The following PSD4 variants were observed in gnomAD, a reference collection of about 807,000 sequenced individuals.
The protein encoded by PSD4 is pleckstrin and Sec7 domain containing 4, also known as PH and SEC7 domain-containing protein 4.
In PSD4, 59 loss-of-function variants were observed where a neutral mutation model predicts 112.5. The observed-to-expected ratio is 0.52, with a 90% CI of 0.43 to 0.65. PSD4 has a LOEUF of 0.65. PSD4 is among the 30% of genes least tolerant of loss of function. The pLI is 0.00. For synonymous variants in PSD4, 533 were observed against 540.0 expected, an observed-to-expected ratio of 0.99 and a Z score of 0.18; for missense variants, 1,267 against 1,352.6, an observed-to-expected ratio of 0.94 and a Z score of 0.99.
rs1013737776 is a variant in PSD4, at chr2:113,185,553, T to C, written c.1249+113T>C. 5 of 1,589,784 alleles carry C rather than the reference T, an allele frequency of 3.1e-6. No homozygotes were observed. The African/African-American group carries it at 5.4e-5, about 17-fold the overall frequency. On this transcript the variant is annotated intron_variant, in intron 4 of 16. Transcript: ENST00000245796. Reference sequence around the variant, plus strand: ...GTTGCCATTAATGGGTCCCATTATATTGTGTTTAAGCCAGACAGACTTGGG... The same window carrying C: ...GTTGCCATTAATGGGTCCCATTATACTGTGTTTAAGCCAGACAGACTTGGG...
chr2:113,201,092 C>G, intron 16 of PSD4, 66 bp from the exon 17 acceptor site: 1 of 1,542,390 alleles, frequency 6.5e-7, no homozygotes, highest in Non-Finnish European at 8.7e-7. Context: ...CTGTCCCTCA[C>G]GATTCTAGCC....
Position 113,207,723 on chromosome 2 carries a change from C to G in PSD4, c.*6308C>G, listed in dbSNP as rs540148106. 1 of 152,302 alleles carries G rather than the reference C, an allele frequency of 6.6e-6. No homozygotes were observed. The highest frequency in any genetic ancestry group is 2.1e-4 in the South Asian group (1 of 4,822). 9.4% of individuals were successfully genotyped at this position (152,302 alleles called of 1,614,324 possible). A position where few individuals can be genotyped will look rare whatever the true frequency, so the allele number is the denominator to read the frequency against. The stretch of plus-strand genomic sequence containing the variant: ...CCGCCTGCCTCAGCCTCCCAAAGTG[C>G]TGGGATTACAGGCGTAAGCCACCAC... On this transcript the variant is annotated 3_prime_UTR_variant, in exon 17 of 17. Transcript: ENST00000245796.
chr2:113,192,479 C>G lies in PSD4; in HGVS notation c.1728C>G (p.Asp576Glu), dbSNP rs1198971323. 8.1e-6 allele frequency: 13 copies of G among 1,614,120 alleles called. No individual in the cohort carries two copies. Among genetic ancestry groups the G allele is most frequent in the Non-Finnish European group, 1.0e-5 (12 of 1,180,056 alleles). The change falls in exon 6 of 17, where the codon GAC becomes GAG. Residue 576 changes from aspartate to glutamate, a missense_variant. Asp to Glu is a conservative substitution (Grantham distance 45, BLOSUM62 2). Around this residue, in one of 2 missense-constraint regions of PSD4, gnomAD observed 544 missense variants for 648.6 expected, o/e 0.84. Transcript: ENST00000245796. ...PEEGQRPPAG[D>E]KLANGVRNNK... ...AAGGCCAGAGACCACCAGCTGGAGACAAGCTAGCTAATGGCGTCAGGAACA... is the reference window on the plus strand; with the variant it reads ...AAGGCCAGAGACCACCAGCTGGAGAGAAGCTAGCTAATGGCGTCAGGAACA...
Position 113,193,599 on chromosome 2 carries a change from A to G in PSD4, c.2040A>G (p.Val680=), listed in dbSNP as rs1688517886. The change falls in exon 9 of 17, where the codon GTA becomes GTG. Residue 680 remains valine (V), a synonymous_variant. Transcript: ENST00000245796. ...TACCTATCTCTGGGGTAGATTCTGT[A>G]CACACCTTGACATGTGCAATCATGC... ...NPGIFPSVDS[V]HTLTCAIMLL... 6.2e-7 allele frequency: 1 copy of G among 1,613,270 alleles called. No homozygotes were observed. The highest frequency in any genetic ancestry group is 1.3e-5 in the African/African-American group (1 of 74,882).
rs530593387 is a variant in PSD4 at position 113,192,217 on chromosome 2, G to A, written c.1629-163G>A. On this transcript the variant is annotated intron_variant, in intron 5 of 16. Coordinates refer to ENST00000245796, the MANE Select transcript of PSD4 (RefSeq NM_012455.3). The stretch of plus-strand genomic sequence containing the variant: ...CCTCTCGGGGTTCTCCTGGTCCCAG[G>A]CCAGGCTAAGTCAGTCTGGCTGTGA... Among the ~76,000 whole-genome samples, 29 of 152,096 alleles carry A rather than the reference G, an allele frequency of 1.9e-4. No individual in the cohort carries two copies. The East Asian group carries it at 4.8e-3, about 25-fold the overall frequency.
rs1340394556 is a variant in PSD4, at chr2:113,199,211, G to A, written c.2898G>A (p.Glu966=). 6.6e-7 allele frequency: 1 copy of A among 1,508,452 alleles called. No individual in the cohort carries two copies. Among genetic ancestry groups the A allele is most frequent in the East Asian group, 2.7e-5 (1 of 36,688 alleles). 93.4% of individuals were successfully genotyped at this position (1,508,452 alleles called of 1,614,324 possible). A position where few individuals can be genotyped will look rare whatever the true frequency, so the allele number is the denominator to read the frequency against. Residue 966 remains glutamate, a synonymous_variant, in exon 16 of 17, where the codon GAG becomes GAA. Transcript: ENST00000245796. ...TGGAGGAGCACCGCCTGCGGAAGGA[G>A]TACCTGGAGTACGAGGTGAGCGGCC... ...RELEEHRLRK[E]YLEYEKTRYE...
At chr2:113,193,223 C>T (rs372070904) in intron 7 of PSD4, 35 bp from the exon 8 acceptor site, 15 of 1,588,658 alleles carry the variant, frequency 9.4e-6, no homozygotes, top group Non-Finnish European at 1.2e-5. Context: ...CCTAAGCTCC[C>T]GGGCTCTCTC....
intron 1 of PSD4, among the ~76,000 whole-genome samples, chr2:113,181,115 C>T (rs1377228202): frequency 1.3e-5 from 2 of 151,466 alleles, no homozygotes; most frequent in Non-Finnish European, 1.5e-5. Context: ...ATAATTCTAG[C>T]TACTCGGGAG....
At chr2:113,195,966 C>T (rs1688597307) in intron 11 of PSD4, among the ~76,000 whole-genome samples, 181 bp from the exon 12 acceptor site, 1 of 152,094 alleles carries the variant, frequency 6.6e-6, no homozygotes, top group South Asian at 2.1e-4. Context: ...GGTAGTGGGG[C>T]GTGGGGTATG....
At chr2:113,179,647 C>T (rs568017717) in intron 1 of PSD4, among the ~76,000 whole-genome samples, 3 of 152,168 alleles carry the variant, frequency 2.0e-5, no homozygotes, top group South Asian at 2.1e-4. Flanking sequence ...CCTAGCTTCC[C>T]GGGAATGCAG....
intron 3 of PSD4, 34 bp from the exon 4 acceptor site, chr2:113,185,331 G>A: frequency 9.3e-6 from 15 of 1,613,068 alleles, no homozygotes; most frequent in Non-Finnish European, 1.3e-5. Context: ...TGTGTATCCA[G>A]GGCTCATGGG....
chr2:113,185,119 G>A, intron 3 of PSD4, 46 bp downstream of exon 3: 2 of 1,613,094 alleles, frequency 1.2e-6, no homozygotes, highest in Non-Finnish European at 1.7e-6. Flanking sequence ...CATCTTTGGA[G>A]GAGGAATATG....
chr2:113,183,439 A>G lies in PSD4; in HGVS notation c.983A>G (p.His328Arg). ...TTCCCTGTGCCCATCTATAAACCACACTCCATCTGCTGGGCCTCAGTGGCT... is the reference window on the plus strand; with the variant it reads ...TTCCCTGTGCCCATCTATAAACCACGCTCCATCTGCTGGGCCTCAGTGGCT... ...PPFPVPIYKP[H>R]SICWASVAAA... is the part of the protein sequence containing the mutation. Residue 328 changes from histidine (H) to arginine (R), a missense_variant, in exon 2 of 17, where the codon CAC becomes CGC. Transcript: ENST00000245796. 1.3e-6 allele frequency: 2 copies of G among 1,580,992 alleles called. No homozygotes were observed. The highest frequency in any genetic ancestry group is 1.7e-6 in the Non-Finnish European group (2 of 1,165,500).
rs1161774585 is a variant in PSD4, at chr2:113,207,453, TC to T, written c.*6039del. On this transcript the variant is annotated 3_prime_UTR_variant, in exon 17 of 17. Coordinates refer to ENST00000245796, the MANE Select transcript of PSD4 (RefSeq NM_012455.3). Reference sequence around the variant, plus strand: ...GTAACTCTCCTCTCCTCTCTCCTCTTCTTTTTTTTTTTTTTTTTTTTGAGAT... The same window carrying T: ...GTAACTCTCCTCTCCTCTCTCCTCTTTTTTTTTTTTTTTTTTTTTTGAGAT... 6 of 90,614 alleles carry T rather than the reference TC, an allele frequency of 6.6e-5. No individual in the cohort carries two copies. The highest frequency in any genetic ancestry group is 1.5e-4 in the Admixed American group (1 of 6,752). 5.6% of individuals were successfully genotyped at this position (90,614 alleles called of 1,614,324 possible).
chr2:113,198,263 CTCTT>C (rs1319976493), intron 14 of PSD4: 3 of 282,668 alleles, frequency 1.1e-5, no homozygotes, highest in Non-Finnish European at 2.0e-5. Context: ...TCAGATTGTC[CTCTT>C]TATTTTTTAT....
At position 113,199,091 on chromosome 2, in the gene PSD4, G is replaced by A; in HGVS notation, c.2778G>A (p.Gln926=). The change falls in exon 16 of 17, where the codon CAG becomes CAA. Residue 926 remains glutamine, a synonymous_variant. Transcript: ENST00000245796. ...VGPAQSSLEE[Q]HRSHENCLDA... is the part of the protein sequence containing the mutation. ...CCGCCCGCTGCTCGCAGGAGGAGCAGCATCGATCCCACGAGAACTGCCTGG... is the reference window on the plus strand; with the variant it reads ...CCGCCCGCTGCTCGCAGGAGGAGCAACATCGATCCCACGAGAACTGCCTGG... The A allele has an allele frequency of 6.5e-7, 1 of 1,532,932 alleles. No individual in the cohort carries two copies. Among genetic ancestry groups the A allele is most frequent in the Non-Finnish European group, 8.8e-7 (1 of 1,142,108 alleles). The allele number at this position is 1,532,932 out of a possible 1,614,324, so 95.0% of individuals were successfully genotyped here. A position where few individuals can be genotyped will look rare whatever the true frequency, so the allele number is the denominator to read the frequency against.
chr2:113,182,193 C>T (rs1485934412), intron 1 of PSD4, among the ~76,000 whole-genome samples, 153 bp from the exon 2 acceptor site: 3 of 152,180 alleles, frequency 2.0e-5, no homozygotes, highest in African/African-American at 4.8e-5. Flanking sequence ...ATATGTGGTA[C>T]ACTCCTTACT....
chr2:113,174,681 A>G (rs1296465558), intron 1 of PSD4, among the ~76,000 whole-genome samples: 2 of 152,148 alleles, frequency 1.3e-5, no homozygotes, highest in African/African-American at 4.8e-5. Flanking sequence ...TTACTGGTTT[A>G]GCTCTGGCTT....
chr2:113,184,538 T>C (rs1262251364), intron 2 of PSD4, among the ~76,000 whole-genome samples: 1 of 151,958 alleles, frequency 6.6e-6, no homozygotes, highest in African/African-American at 2.4e-5. Flanking sequence ...CCCACCCAGC[T>C]AATTTTTGTA....
Sources: gnomAD v4.1 joint callset for allele counts (sites outside exome capture counted in the v4.1 genomes callset) on GRCh38, gnomAD v4.1.1 for gene constraint, gnomAD v4.1.1 regional missense constraint, MANE v1.5 for transcripts, NCBI Gene and HGNC (gene_info 2026-07-23, HGNC 2026-07-21) for gene names.